The following MON2 variants were observed in gnomAD, a reference collection of about 807,000 sequenced individuals.
MON2 encodes the protein MON2 regulator of endosome-to-Golgi trafficking, also known as protein MON2 homolog.
A neutral mutation model predicts 208.6 loss-of-function variants in MON2; 84 were observed. That is an observed-to-expected ratio of 0.40 (90% CI 0.34 to 0.48). The LOEUF (loss-of-function observed/expected upper bound fraction) is 0.48, where lower values mean the gene tolerates loss of function less well. Ranked by LOEUF, MON2 falls within the 20% of genes least tolerant of loss-of-function variation. The probability of loss-of-function intolerance (pLI) is 0.59; values close to 1 mark genes in which losing one functional copy is unlikely to be tolerated. For synonymous variants in MON2, 660 were observed against 694.0 expected (o/e 0.95, Z 0.77); for missense variants, 1,611 against 2,015.4 (o/e 0.80, Z 3.84).
chr12:62,520,841 A>C (rs1279195768), intron 8 of MON2, among the ~76,000 whole-genome samples: 1 of 146,516 alleles, frequency 6.8e-6, no homozygotes, highest in East Asian at 2.0e-4. Context: ...ATGTATAATA[A>C]TATATATATA....
At chr12:62,568,520 A>G (rs1333129781) in intron 29 of MON2, among the ~76,000 whole-genome samples, 3 of 151,736 alleles carry the variant, frequency 2.0e-5, no homozygotes, top group Non-Finnish European at 4.4e-5. Context: ...TAAATTTTTT[A>G]TAGAGACTGG....
chr12:62,470,682 T>C, intron 1 of MON2: 1 of 1,101,908 alleles, frequency 9.1e-7, no homozygotes, highest in Admixed American at 4.7e-5. Flanking sequence ...AAAACTTTCT[T>C]ATTATTTCCT....
intron 8 of MON2, among the ~76,000 whole-genome samples, chr12:62,521,355 A>G (rs1051231121): frequency 2.6e-5 from 4 of 152,214 alleles, no homozygotes; most frequent in Non-Finnish European, 1.5e-5. Flanking sequence ...TTTTAAAATC[A>G]TACGTGGCAG....
chr12:62,518,466 A>G (rs2071816610), intron 8 of MON2, among the ~76,000 whole-genome samples: 1 of 152,148 alleles, frequency 6.6e-6, no homozygotes, highest in Non-Finnish European at 1.5e-5. Context: ...CTAATTTTTT[A>G]GGCTCCATAA....
chr12:62,506,495 G>A (rs1042626615), intron 7 of MON2, among the ~76,000 whole-genome samples: 1 of 152,078 alleles, frequency 6.6e-6, no homozygotes, highest in Admixed American at 6.5e-5. Flanking sequence ...GCTTTGGGAG[G>A]AGGCTGAGGC....
chr12:62,474,671 G>A (rs1451635494), intron 1 of MON2, among the ~76,000 whole-genome samples: 1 of 152,136 alleles, frequency 6.6e-6, no homozygotes, highest in South Asian at 2.1e-4. Flanking sequence ...TTATCTGCCC[G>A]CCTCGGCCTC....
intron 11 of MON2, 43 bp from the exon 12 acceptor site, chr12:62,532,395 G>A: frequency 3.0e-6 from 4 of 1,344,030 alleles, no homozygotes; most frequent in Non-Finnish European, 4.2e-6. Flanking sequence ...TATTTTTTTT[G>A]TTGTGGCTTC....
intron 22 of MON2, among the ~76,000 whole-genome samples, chr12:62,548,337 A>G (rs1238098079): frequency 6.6e-6 from 1 of 152,118 alleles, no homozygotes; most frequent in Non-Finnish European, 1.5e-5. Context: ...TTAGTGGGGG[A>G]TGGTAGTATC....
At chr12:62,569,548 AAGAG>A (rs943949580) in intron 29 of MON2, among the ~76,000 whole-genome samples, 4 of 152,160 alleles carry the variant, frequency 2.6e-5, no homozygotes, top group Non-Finnish European at 4.4e-5. Context: ...GAGAGAGAGG[AAGAG>A]AGAGAGTGTG....
At chr12:62,522,566 C>G (rs1372095740) in intron 8 of MON2, among the ~76,000 whole-genome samples, 4 of 152,202 alleles carry the variant, frequency 2.6e-5, no homozygotes, top group African/African-American at 9.7e-5. Context: ...TACCAAAGTA[C>G]TACAGGAGTT....
At chr12:62,543,908 C>T (rs2073358382) in intron 20 of MON2, among the ~76,000 whole-genome samples, 1 of 152,134 alleles carries the variant, frequency 6.6e-6, no homozygotes, top group Non-Finnish European at 1.5e-5. Context: ...TGCTCCTGGC[C>T]TTGATTATGA....
intron 7 of MON2, among the ~76,000 whole-genome samples, chr12:62,504,861 A>G (rs2071022846): frequency 6.6e-6 from 1 of 152,208 alleles, no homozygotes; most frequent in African/African-American, 2.4e-5. Context: ...GTGAAGGAAA[A>G]GTATTAAAAG....
chr12:62,572,969 G>A (rs543572469), intron 30 of MON2, among the ~76,000 whole-genome samples: 1 of 152,230 alleles, frequency 6.6e-6, no homozygotes, highest in South Asian at 2.1e-4. Context: ...ATATGGTTTA[G>A]TTATTCAGTA....
intron 8 of MON2, among the ~76,000 whole-genome samples, chr12:62,518,820 G>GAT (rs2071841998): frequency 1.3e-5 from 2 of 152,100 alleles, no homozygotes; most frequent in Admixed American, 6.6e-5. Context: ...GAGATTTTCA[G>GAT]ATATATATAA....
chr12:62,586,679 T>A (rs900344675), intron 33 of MON2, among the ~76,000 whole-genome samples: 2 of 152,160 alleles, frequency 1.3e-5, no homozygotes, highest in Non-Finnish European at 2.9e-5. Context: ...CAAAGACAGA[T>A]GTTAGTAATT....
At chr12:62,562,978 C>T (rs751604636) in intron 26 of MON2, among the ~76,000 whole-genome samples, 12 of 152,110 alleles carry the variant, frequency 7.9e-5, no homozygotes, top group African/African-American at 1.2e-4. Flanking sequence ...TAATTATCTG[C>T]TTTCTGTATG....
At chr12:62,556,307 G>T in intron 25 of MON2, 115 bp downstream of exon 25, 9 of 999,050 alleles carry the variant, frequency 9.0e-6, no homozygotes, top group Non-Finnish European at 1.3e-5. Context: ...TGGTGTGTGT[G>T]TAAGCATCTG....
At position 62,599,388 on chromosome 12, in the gene MON2, CAAAG is replaced by C. The variant is rs2075586344; in HGVS notation, c.*6643_*6646del. On this transcript the variant is annotated 3_prime_UTR_variant, in exon 35 of 35. Transcript: ENST00000393630. ...AATGCCAGACTATCTCTCTACCTCTCAAAGAAAATAATTTGCATTAAAATTCCTT... is the reference window on the plus strand; with the variant it reads ...AATGCCAGACTATCTCTCTACCTCTCAAAATAATTTGCATTAAAATTCCTT... The C allele has an allele frequency of 6.6e-6, 1 of 151,990 alleles. No individual in the cohort carries two copies. The highest frequency in any genetic ancestry group is 1.5e-5 in the Non-Finnish European group (1 of 67,998). The allele number at this position is 151,990 out of a possible 1,614,324, so 9.4% of individuals were successfully genotyped here.
At chr12:62,481,450 C>T (rs369805688) in intron 1 of MON2, among the ~76,000 whole-genome samples, 12 of 143,250 alleles carry the variant, frequency 8.4e-5, no homozygotes, top group South Asian at 6.6e-4. Flanking sequence ...GGCGTGAACC[C>T]GGGAGGCGGA....
Sources: allele counts gnomAD v4.1 joint callset (sites outside exome capture counted in the v4.1 genomes callset), GRCh38; gene constraint gnomAD v4.1.1; transcripts MANE v1.5; gene names NCBI Gene and HGNC (gene_info 2026-07-23, HGNC 2026-07-21).